Variants in DNAH7 observed in about 807,000 individuals in gnomAD.
DNAH7 encodes the protein dynein axonemal heavy chain 7, also known as axonemal beta dynein heavy chain 7.
In DNAH7, 397 loss-of-function variants were observed where a neutral mutation model predicts 444.6. The observed-to-expected ratio is 0.89, with a 90% confidence interval of 0.82 to 0.97. The LOEUF (loss-of-function observed/expected upper bound fraction) is 0.97, where lower values mean the gene tolerates loss of function less well. DNAH7 is among the 50% of genes least tolerant of loss of function. DNAH7 has a pLI of 0.00. For missense variants in DNAH7, 4,902 were observed against 4,800.8 expected, an observed-to-expected ratio of 1.02 and a Z score of -0.62; for synonymous variants, 1,636 against 1,624.4, an observed-to-expected ratio of 1.01 and a Z score of -0.17.
At chr2:195,972,221 T>A (rs57117613) in intron 16 of DNAH7, 21 bp downstream of exon 16, 14 of 1,573,270 alleles carry the variant, frequency 8.9e-6, no homozygotes, top group Non-Finnish European at 1.2e-5. Flanking sequence ...AAAATGAAAA[T>A]AAAATATCTA....
intron 24 of DNAH7, among the ~76,000 whole-genome samples, chr2:195,914,152 A>T (rs544635156): frequency 6.6e-6 from 1 of 152,268 alleles, no homozygotes; most frequent in East Asian, 1.9e-4. Flanking sequence ...AGTACACTGT[A>T]TTGTAATTGT....
chr2:195,754,599 A>T, intron 62 of DNAH7, 85 bp from the exon 63 acceptor site: 2 of 1,408,602 alleles, frequency 1.4e-6, no homozygotes, highest in South Asian at 2.9e-5. Context: ...CTGGTTGCCC[A>T]GGCAGGGCTC....
At chr2:196,044,203 ATGTGTGTGTGTG>A (rs367981308) in intron 5 of DNAH7, among the ~76,000 whole-genome samples, 1 of 146,998 alleles carries the variant, frequency 6.8e-6, no homozygotes, top group Non-Finnish European at 1.5e-5. Flanking sequence ...ATATATATAT[ATGTGTGTGTGTG>A]TGTGTGTGTG....
chr2:195,760,571 CAG>C (rs140188415), intron 61 of DNAH7, among the ~76,000 whole-genome samples: 6 of 151,150 alleles, frequency 4.0e-5, no homozygotes, highest in South Asian at 2.1e-4. Context: ...AGCAGCTCAG[CAG>C]AGAGAGAGAG....
intron 19 of DNAH7, among the ~76,000 whole-genome samples, chr2:195,943,978 C>T (rs532667382): frequency 6.6e-6 from 1 of 152,218 alleles, no homozygotes; most frequent in East Asian, 1.9e-4. Context: ...TTCTCTGATT[C>T]CTTACATACC....
chr2:195,794,610 G>T, intron 56 of DNAH7, 72 bp from the exon 57 acceptor site: 3 of 1,412,416 alleles, frequency 2.1e-6, no homozygotes, highest in Non-Finnish European at 3.0e-6. Flanking sequence ...TACATATGAA[G>T]GATGAGTTGG....
intron 46 of DNAH7, among the ~76,000 whole-genome samples, chr2:195,849,345 C>A (rs1156637164): frequency 6.6e-6 from 1 of 152,200 alleles, no homozygotes; most frequent in East Asian, 1.9e-4. Flanking sequence ...AGTTGACTAG[C>A]AACCATAATT....
At chr2:196,017,902 C>T (rs1278467528) in intron 9 of DNAH7, among the ~76,000 whole-genome samples, 2 of 152,038 alleles carry the variant, frequency 1.3e-5, no homozygotes, top group Non-Finnish European at 2.9e-5. Context: ...ACCTTCTTAA[C>T]CAAGACTAGG....
rs750264503 is a variant in DNAH7 at position 195,858,675 on chromosome 2, C to A, written c.7866G>T (p.Glu2622Asp). The change falls in exon 43 of 65, where the codon GAG becomes GAT. Residue 2622 changes from glutamate (E) to aspartate (D), a missense_variant. By Grantham distance (45) the Glu-to-Asp change is conservative. Coordinates refer to ENST00000312428, the MANE Select transcript of DNAH7 (RefSeq NM_018897.3). ...LHPQLKVASKEVDEMMIMIEK... is the reference protein window; with the variant it reads ...LHPQLKVASKDVDEMMIMIEK... ...CAATCATTATCATCATTTCATCAAC[C>A]TCTTTGCTAGCAACTTTTAATTGAG... is the stretch of plus-strand genomic sequence containing the variant. 6.2e-7 allele frequency: 1 copy of A among 1,614,020 alleles called. No individual in the cohort carries two copies. The highest frequency in any genetic ancestry group is 1.7e-5 in the Admixed American group (1 of 59,978).
chr2:195,866,623 C>CT (rs1700356545), intron 40 of DNAH7, among the ~76,000 whole-genome samples: 3 of 152,206 alleles, frequency 2.0e-5, no homozygotes, highest in Non-Finnish European at 4.4e-5. Context: ...CAAAGACAGT[C>CT]AACACATCTG....
At chr2:196,027,061 G>C (rs1255716443) in intron 6 of DNAH7, 121 bp from the exon 7 acceptor site, 1 of 699,786 alleles carries the variant, frequency 1.4e-6, no homozygotes, top group Non-Finnish European at 2.3e-6. Context: ...GCATAAAAAA[G>C]TATTTGGTAC....
intron 63 of DNAH7, among the ~76,000 whole-genome samples, chr2:195,749,669 C>A (rs1226674552): frequency 6.6e-6 from 1 of 151,588 alleles, no homozygotes; most frequent in African/African-American, 2.4e-5. Context: ...ATGATGAGTT[C>A]ATGTCCTTTG....
Position 195,737,729 on chromosome 2 carries a change from T to G in DNAH7, c.*192A>C. 1 of 557,108 alleles carries G rather than the reference T, an allele frequency of 1.8e-6. No homozygotes were observed. The highest frequency in any genetic ancestry group is 3.2e-6 in the Non-Finnish European group (1 of 317,342). 34.5% of individuals were successfully genotyped at this position (557,108 alleles called of 1,614,324 possible). A position where few individuals can be genotyped will look rare whatever the true frequency, so the allele number is the denominator to read the frequency against. ...GCCAGTGTGTTTTCTTTAGTCTTTATTTCAGAACATTTCCTTACATTTAAG... is the reference window on the plus strand; with the variant it reads ...GCCAGTGTGTTTTCTTTAGTCTTTAGTTCAGAACATTTCCTTACATTTAAG... On this transcript the variant is annotated 3_prime_UTR_variant, in exon 65 of 65. Coordinates refer to ENST00000312428, the MANE Select transcript of DNAH7 (RefSeq NM_018897.3).
intron 63 of DNAH7, among the ~76,000 whole-genome samples, chr2:195,747,016 T>C (rs948475814): frequency 3.3e-5 from 5 of 151,734 alleles, no homozygotes; most frequent in South Asian, 2.1e-4. Flanking sequence ...CTGAAGGAAA[T>C]AGAGACACAA....
chr2:196,051,325 C>A lies in DNAH7; in HGVS notation c.79-76G>T, dbSNP rs954773670. The A allele has an allele frequency of 1.7e-5, 18 of 1,089,510 alleles. No homozygotes were observed. In the African/African-American group the frequency reaches 2.8e-4, roughly 17 times the overall value. 67.5% of individuals were successfully genotyped at this position (1,089,510 alleles called of 1,614,324 possible). The stretch of plus-strand genomic sequence containing the variant: ...AATTGATTCACTGAACCAAATTTTA[C>A]AGAAAGACTATTTAAAAAGTACATA... On this transcript the variant is annotated intron_variant, in intron 2 of 64. Transcript: ENST00000312428.
intron 24 of DNAH7, among the ~76,000 whole-genome samples, chr2:195,916,383 T>C (rs928232005): frequency 2.0e-5 from 3 of 152,108 alleles, no homozygotes; most frequent in African/African-American, 4.8e-5. Context: ...TGGAGTGTGG[T>C]TGTTACAGTA....
intron 61 of DNAH7, among the ~76,000 whole-genome samples, chr2:195,768,156 G>T (rs1007077283): frequency 6.8e-6 from 1 of 147,512 alleles, no homozygotes; most frequent in Non-Finnish European, 1.5e-5. Context: ...ACTTATATAT[G>T]GGTATATATA....
chr2:195,844,509 T>C (rs1698870610), intron 47 of DNAH7, among the ~76,000 whole-genome samples: 1 of 152,102 alleles, frequency 6.6e-6, no homozygotes, highest in African/African-American at 2.4e-5. Context: ...CTACACAGGT[T>C]TTCTCTACTA....
At chr2:195,788,243 G>T (rs868092117) in intron 57 of DNAH7, among the ~76,000 whole-genome samples, 28 of 152,296 alleles carry the variant, frequency 1.8e-4, no homozygotes, top group Middle Eastern at 3.4e-3. Flanking sequence ...ACTTGGAGCT[G>T]AGCAGTCAGT....
Sources: gnomAD v4.1 joint callset for allele counts (sites outside exome capture counted in the v4.1 genomes callset) on GRCh38, gnomAD v4.1.1 for gene constraint, MANE v1.5 for transcripts, NCBI Gene and HGNC (gene_info 2026-07-23, HGNC 2026-07-21) for gene names.